The following TP63 variants were observed in gnomAD, a reference collection of about 807,000 sequenced individuals.
The protein encoded by TP63 is tumor protein 63.
Under a neutral mutation model 82.8 loss-of-function variants are expected in TP63, and 17 were observed. The observed-to-expected ratio is 0.21, with a 90% CI of 0.14 to 0.31. The LOEUF is 0.31. TP63 is among the 10% of genes least tolerant of loss of function. TP63 has a pLI of 1.00. For synonymous variants in TP63, 330 were observed against 321.7 expected (o/e 1.03, Z -0.28); for missense variants, 648 against 895.3 (o/e 0.72, Z 3.52).
intron 1 of TP63, among the ~76,000 whole-genome samples, chr3:189,732,999 A>T (rs115059156): frequency 0.021 from 3,225 of 152,226 alleles, 107 homozygotes; most frequent in African/African-American, 0.068. Flanking sequence ...TAGGCATGGG[A>T]AAGGCAGTGG....
At chr3:189,846,432 G>T (rs981015619) in intron 4 of TP63, among the ~76,000 whole-genome samples, 2 of 152,130 alleles carry the variant, frequency 1.3e-5, no homozygotes, top group African/African-American at 4.8e-5. Flanking sequence ...TGTCATGTCA[G>T]TATACAAGGA....
At chr3:189,604,005 G>A in the TP63 span, among the ~76,000 whole-genome samples, 1 of 151,866 alleles carries the variant, frequency 6.6e-6, no homozygotes, top group Non-Finnish European at 1.5e-5. Flanking sequence ...TGAATAAATG[G>A]GTAAATAGAA....
At chr3:189,677,399 T>TAC (rs1715524108) in intron 1 of TP63, among the ~76,000 whole-genome samples, 1 of 51,132 alleles carries the variant, frequency 2.0e-5, no homozygotes, top group Non-Finnish European at 3.5e-5. Flanking sequence ...AATATGTGTG[T>TAC]ATATATATAC....
intron 1 of TP63, among the ~76,000 whole-genome samples, chr3:189,720,805 ACT>A (rs1481174289): frequency 6.6e-6 from 1 of 151,478 alleles, no homozygotes; most frequent in African/African-American, 2.4e-5. Flanking sequence ...ATAGGGAGAG[ACT>A]CTGCTACACA....
At chr3:189,781,130 G>A (rs959032603) in intron 3 of TP63, among the ~76,000 whole-genome samples, 3 of 152,132 alleles carry the variant, frequency 2.0e-5, no homozygotes, top group African/African-American at 7.2e-5. Flanking sequence ...AGACTAGATA[G>A]CTATGTCAAG....
intron 1 of TP63, among the ~76,000 whole-genome samples, chr3:189,698,035 T>C (rs1717522783): frequency 6.6e-6 from 1 of 152,116 alleles, no homozygotes; most frequent in South Asian, 2.1e-4. Flanking sequence ...TTTTGTTATT[T>C]TACTTCACTA....
At chr3:189,780,588 A>C (rs1724155077) in intron 3 of TP63, among the ~76,000 whole-genome samples, 1 of 152,172 alleles carries the variant, frequency 6.6e-6, no homozygotes, top group Non-Finnish European at 1.5e-5. Context: ...CAAGGAAGGC[A>C]CTTGTTTTTA....
intron 10 of TP63, among the ~76,000 whole-genome samples, chr3:189,884,041 G>T (rs924004560): frequency 6.6e-6 from 1 of 152,148 alleles, no homozygotes; most frequent in East Asian, 1.9e-4. Flanking sequence ...ACATTTGACT[G>T]GTTTGAGGAG....
intron 1 of TP63, among the ~76,000 whole-genome samples, chr3:189,646,856 T>A (rs1577170455): frequency 6.8e-6 from 1 of 147,690 alleles, no homozygotes; most frequent in Non-Finnish European, 1.5e-5. Context: ...GTTGCCATGT[T>A]GAATCATGTG....
At chr3:189,808,667 A>G (rs1727201223) in intron 4 of TP63, 141 bp downstream of exon 4, 5 of 1,491,982 alleles carry the variant, frequency 3.4e-6, no homozygotes, top group Non-Finnish European at 4.5e-6. Flanking sequence ...TTAATACTGA[A>G]CCAGAGAGAG....
chr3:189,810,089 C>T (rs186129967), intron 4 of TP63, among the ~76,000 whole-genome samples: 1 of 152,182 alleles, frequency 6.6e-6, no homozygotes, highest in African/African-American at 2.4e-5. Flanking sequence ...AACTGTAGAG[C>T]ATGAACATCA....
chr3:189,616,808 T>C, the TP63 span, among the ~76,000 whole-genome samples: 42 of 152,316 alleles, frequency 2.8e-4, no homozygotes, highest in Middle Eastern at 0.01. Flanking sequence ...AAAAATGTAT[T>C]ATTTTCTCTG....
chr3:189,789,465 T>G (rs1724901240), intron 3 of TP63, among the ~76,000 whole-genome samples: 1 of 151,852 alleles, frequency 6.6e-6, no homozygotes, highest in East Asian at 1.9e-4. Context: ...TGGGTTTGTT[T>G]TTTTTTTCTT....
chr3:189,632,264 T>C (rs563395897), intron 1 of TP63, among the ~76,000 whole-genome samples: 2 of 152,262 alleles, frequency 1.3e-5, no homozygotes, highest in African/African-American at 4.8e-5. Context: ...TCAAGTCATA[T>C]GTAGCAATGT....
intron 1 of TP63, among the ~76,000 whole-genome samples, chr3:189,687,633 A>G (rs1298933070): frequency 1.3e-5 from 2 of 152,218 alleles, no homozygotes; most frequent in East Asian, 3.9e-4. Context: ...GAATAGCAAG[A>G]CAACCACGTA....
In TP63 at chr3:189,872,840, CT is replaced by C. The variant is rs375392004; in HGVS notation, c.1213-17del. The C allele has an allele frequency of 2.4e-5, 38 of 1,614,058 alleles. 1 individual carries two copies. Among genetic ancestry groups the C allele is most frequent in the Middle Eastern group, 1.6e-4 (1 of 6,062 alleles). ...ACAGCTTTTCATGTTTCCTTCTTTC[CT>C]TCTGCTCACTTCCATAGGTGAGGGG... On this transcript the variant is annotated intron_variant, in intron 9 of 13. Coordinates refer to ENST00000264731, the MANE Select transcript of TP63 (RefSeq NM_003722.5).
intron 10 of TP63, 51 bp downstream of exon 10, chr3:189,873,046 T>C (rs765014635): frequency 1.2e-6 from 2 of 1,613,648 alleles, no homozygotes; most frequent in South Asian, 2.2e-5. Flanking sequence ...GGTGACTTTA[T>C]TTGGATCAGC....
At chr3:189,846,844 A>G (rs1714947838) in intron 4 of TP63, among the ~76,000 whole-genome samples, 1 of 151,154 alleles carries the variant, frequency 6.6e-6, no homozygotes, top group Admixed American at 6.6e-5. Context: ...GCATCACCAC[A>G]CCTAATTTTT....
At chr3:189,759,948 G>A (rs1160639882) in intron 3 of TP63, among the ~76,000 whole-genome samples, 11 of 152,176 alleles carry the variant, frequency 7.2e-5, no homozygotes, top group Non-Finnish European at 5.9e-5. Context: ...ATGGCAGCAG[G>A]CAAAGAGAGA....
Sources: gnomAD v4.1 joint callset for allele counts (sites outside exome capture counted in the v4.1 genomes callset) on GRCh38, gnomAD v4.1.1 for gene constraint, MANE v1.5 for transcripts, NCBI Gene and HGNC (gene_info 2026-07-23, HGNC 2026-07-21) for gene names.